USP49: variants seen among roughly 807,000 people sequenced by gnomAD.
USP49 encodes ubiquitin carboxyl-terminal hydrolase 49.
USP49 carries 24 observed loss-of-function variants against 58.6 expected under a neutral mutation model. The observed-to-expected ratio is 0.41, with a 90% CI of 0.30 to 0.58. The LOEUF is 0.58. Among genes scored for constraint, USP49 ranks in the 20% least tolerant of loss-of-function variants. The probability of loss-of-function intolerance (pLI) is 0.30; values close to 1 mark genes in which losing one functional copy is unlikely to be tolerated. For missense variants in USP49, 703 were observed against 866.1 expected (o/e 0.81, Z 2.36); for synonymous variants, 408 against 365.1 (o/e 1.12, Z -1.34).
rs772406886 is a variant in USP49 at position 41,792,416 on chromosome 6, A to G, written c.*4117T>C. On this transcript the variant is annotated 3_prime_UTR_variant, in exon 8 of 8. Transcript: ENST00000682992. ...ATTAGTCATTGTTTTGATAAAGACTAAAAGGCCTTTTCTCAACATTTGTGC... is the reference window on the plus strand; with the variant it reads ...ATTAGTCATTGTTTTGATAAAGACTGAAAGGCCTTTTCTCAACATTTGTGC... 7.9e-5 allele frequency: 12 copies of G among 152,218 alleles called. No homozygotes were observed. Among genetic ancestry groups the G allele is most frequent in the Non-Finnish European group, 1.2e-4 (8 of 68,032 alleles). The allele number at this position is 152,218 out of a possible 1,614,324, so 9.4% of individuals were successfully genotyped here.
At chr6:41,851,294 G>C (rs1021834677) in intron 3 of USP49, among the ~76,000 whole-genome samples, 1 of 152,148 alleles carries the variant, frequency 6.6e-6, no homozygotes, top group African/African-American at 2.4e-5. Context: ...TTATCAATAA[G>C]TAGGACTCAT....
intron 3 of USP49, among the ~76,000 whole-genome samples, chr6:41,847,481 C>A (rs764808262): frequency 6.6e-6 from 1 of 151,976 alleles, no homozygotes; most frequent in South Asian, 2.1e-4. Flanking sequence ...TTTAGGAGGC[C>A]GAGGCAGGTG....
At chr6:41,847,543 G>A (rs557734173) in intron 3 of USP49, among the ~76,000 whole-genome samples, 12 of 152,068 alleles carry the variant, frequency 7.9e-5, no homozygotes, top group East Asian at 1.9e-4. Flanking sequence ...GTGAAACCCC[G>A]TTTCTACTAA....
At chr6:41,819,642 A>ACAT in intron 3 of USP49, among the ~76,000 whole-genome samples, 1 of 152,204 alleles carries the variant, frequency 6.6e-6, no homozygotes, top group South Asian at 2.1e-4. Flanking sequence ...TAGGGGATGT[A>ACAT]GGCAGTGGCT....
chr6:41,801,276 GT>G (rs1249271145), intron 5 of USP49, among the ~76,000 whole-genome samples: 1 of 152,224 alleles, frequency 6.6e-6, no homozygotes, highest in Admixed American at 6.5e-5. Context: ...GTCTTGAGCT[GT>G]TGATATCATG....
intron 6 of USP49, among the ~76,000 whole-genome samples, 181 bp downstream of exon 6, chr6:41,799,649 T>G (rs368478469): frequency 5.3e-5 from 8 of 152,236 alleles, no homozygotes; most frequent in African/African-American, 1.9e-4. Flanking sequence ...CCAGTCCTGC[T>G]GGGCTCCCAC....
chr6:41,831,349 C>T (rs761696772), intron 3 of USP49, among the ~76,000 whole-genome samples: 10 of 151,808 alleles, frequency 6.6e-5, no homozygotes, highest in South Asian at 2.1e-4. Context: ...GAGATTGTGC[C>T]GCTGCACTCC....
intron 2 of USP49, among the ~76,000 whole-genome samples, chr6:41,891,005 A>T (rs1227578614): frequency 3.3e-5 from 5 of 152,222 alleles, no homozygotes; most frequent in Non-Finnish European, 7.3e-5. Context: ...GCATGCAACA[A>T]CCTTGATGTA....
intron 2 of USP49, among the ~76,000 whole-genome samples, chr6:41,890,510 C>T (rs1394626269): frequency 6.6e-6 from 1 of 151,920 alleles, no homozygotes; most frequent in Non-Finnish European, 1.5e-5. Context: ...CCCAGGAGTT[C>T]GAGACAAGCC....
chr6:41,804,044 A>G, intron 4 of USP49, 34 bp from the exon 5 acceptor site: 2 of 1,594,022 alleles, frequency 1.3e-6, no homozygotes, highest in Non-Finnish European at 1.7e-6. Flanking sequence ...AGATTATATA[A>G]CTTCCATGCT....
chr6:41,851,191 G>T (rs1774021345), intron 3 of USP49, among the ~76,000 whole-genome samples: 1 of 152,090 alleles, frequency 6.6e-6, no homozygotes, highest in African/African-American at 2.4e-5. Flanking sequence ...ATCAAGAAAA[G>T]ATAACTACAG....
chr6:41,866,965 G>A lies in USP49; in HGVS notation c.-29+4599C>T, dbSNP rs150427332. 5.3e-3 allele frequency among the ~76,000 whole-genome samples: 805 copies of A among 152,124 alleles called. 30 individuals carry two copies. The highest frequency in any genetic ancestry group is 0.05 in the Admixed American group (757 of 15,276). On this transcript the variant is annotated intron_variant, in intron 3 of 7. Coordinates refer to ENST00000682992, the MANE Select transcript of USP49 (RefSeq NM_001286554.2). The stretch of plus-strand genomic sequence containing the variant: ...AAGAGATTCTCAAACAAGGGAAAGG[G>A]GTAAAAAAAGATGGAGAGAAAAAGA...
intron 3 of USP49, among the ~76,000 whole-genome samples, chr6:41,858,813 C>A (rs997583679): frequency 6.6e-6 from 1 of 152,122 alleles, no homozygotes; most frequent in African/African-American, 2.4e-5. Context: ...TTCCTTTTCC[C>A]AATTTGTTTT....
At chr6:41,886,337 T>C (rs1360774195) in intron 2 of USP49, 1 of 152,210 alleles carries the variant, frequency 6.6e-6, no homozygotes, top group Admixed American at 6.5e-5. Flanking sequence ...CTTACATAAA[T>C]GAGATGACCT....
intron 7 of USP49, 68 bp downstream of exon 7, chr6:41,798,654 GAA>G: frequency 1.2e-6 from 2 of 1,608,438 alleles, no homozygotes; most frequent in Non-Finnish European, 1.7e-6. Flanking sequence ...GAAATAAAAG[GAA>G]AACAATAAAA....
chr6:41,879,269 C>T (rs553109157), intron 2 of USP49, among the ~76,000 whole-genome samples: 2 of 152,252 alleles, frequency 1.3e-5, no homozygotes, highest in East Asian at 1.9e-4. Context: ...TCCTCTGTCG[C>T]CCAGGCTGGA....
intron 3 of USP49, among the ~76,000 whole-genome samples, chr6:41,830,625 G>C (rs1447907060): frequency 2.6e-5 from 4 of 152,024 alleles, no homozygotes; most frequent in Middle Eastern, 3.2e-3. Context: ...TAACCAGTTC[G>C]AGACCAGCCT....
chr6:41,827,170 T>C (rs1300837256), intron 3 of USP49, among the ~76,000 whole-genome samples: 1 of 152,222 alleles, frequency 6.6e-6, no homozygotes, highest in Non-Finnish European at 1.5e-5. Flanking sequence ...GTTGATCATA[T>C]AAGTCAGTTC....
Position 41,833,305 on chromosome 6 carries a change from CA to C in USP49, c.-28-26295del, listed in dbSNP as rs143248469. On this transcript the variant is annotated intron_variant, in intron 3 of 7. Transcript: ENST00000682992. ...TGCTGGGATTACAGGTGTGAGCCAC[CA>C]CGCCCGGCCTTGACACAGTATTTCT... 1.6e-3 allele frequency among the ~76,000 whole-genome samples: 250 copies of C among 152,204 alleles called. 1 individual carries two copies. In the East Asian group the frequency reaches 0.047, roughly 29 times the overall value.
Sources: gnomAD v4.1 joint callset for allele counts (sites outside exome capture counted in the v4.1 genomes callset) on GRCh38, gnomAD v4.1.1 for gene constraint, MANE v1.5 for transcripts, NCBI Gene and HGNC (gene_info 2026-07-23, HGNC 2026-07-21) for gene names.